Variants in TSPAN3 observed in about 807,000 individuals in gnomAD.
TSPAN3 encodes the protein tetraspanin-3.
Under a neutral mutation model 31.1 loss-of-function variants are expected in TSPAN3, and 9 were observed. The ratio of observed to expected loss-of-function variants is 0.29; its 90% CI spans 0.17 to 0.50. TSPAN3 has a LOEUF of 0.50. Among genes scored for constraint, TSPAN3 ranks in the 20% least tolerant of loss-of-function variants. The pLI, the probability that TSPAN3 is intolerant of heterozygous loss-of-function variation, is 0.98. For missense variants in TSPAN3, 252 were observed against 313.5 expected (o/e 0.80, Z 1.48); for synonymous variants, 129 against 114.3 (o/e 1.13, Z -0.82).
Position 77,054,258 on chromosome 15 carries a change from T to C in TSPAN3, c.352A>G (p.Ser118Gly). Residue 118 changes from serine (S) to glycine (G), a missense_variant, in exon 4 of 7, where the codon AGC becomes GGC. Transcript: ENST00000267970. ...RAKVENEVDR[S>G]IQKVYKTYNG... The stretch of plus-strand genomic sequence containing the variant: ...TAGGTCTTATACACTTTCTGAATGC[T>C]GCGATCAACCTCATTTTCCACCTGA... 3 of 1,613,496 alleles carry C rather than the reference T, an allele frequency of 1.9e-6. No individual in the cohort carries two copies. In the South Asian group the frequency reaches 3.3e-5, roughly 18 times the overall value.
chr15:77,055,064 G>C (rs1383493631), intron 3 of TSPAN3: 1 of 152,008 alleles, frequency 6.6e-6, no homozygotes, highest in African/African-American at 2.4e-5. Context: ...AGTACCTTAC[G>C]TATCAATGAT....
chr15:77,070,866 C>T, intron 1 of TSPAN3, 26 bp downstream of exon 1: 2 of 1,311,082 alleles, frequency 1.5e-6, no homozygotes. Context: ...CGCCGCCGGC[C>T]CCTCGCTCTG....
chr15:77,062,151 T>C (rs1399501718), intron 1 of TSPAN3, among the ~76,000 whole-genome samples: 2 of 152,238 alleles, frequency 1.3e-5, no homozygotes, highest in African/African-American at 2.4e-5. Context: ...ATTTTTCATA[T>C]ACCTCTTTTC....
chr15:77,056,036 T>C lies in TSPAN3; in HGVS notation c.255+28A>G, dbSNP rs763301747. 5.7e-6 allele frequency: 9 copies of C among 1,580,668 alleles called. No homozygotes were observed. The Admixed American group carries it at 7.2e-5, about 13-fold the overall frequency. On this transcript the variant is annotated intron_variant, in intron 2 of 6. Transcript: ENST00000267970. ...AAGGAGAGTAGCATAGACTAAATACTCCTGCATGTTCTCACAACACATCTT... is the reference window on the plus strand; with the variant it reads ...AAGGAGAGTAGCATAGACTAAATACCCCTGCATGTTCTCACAACACATCTT...
intron 6 of TSPAN3, 115 bp from the exon 7 acceptor site, chr15:77,047,042 A>C (rs1447478312): frequency 9.5e-6 from 7 of 733,502 alleles, no homozygotes; most frequent in Middle Eastern, 4.9e-4. Context: ...AAATCATCAA[A>C]AAGGCAGTAA....
chr15:77,057,043 A>G (rs965055370), intron 1 of TSPAN3, among the ~76,000 whole-genome samples: 1 of 152,232 alleles, frequency 6.6e-6, no homozygotes. Context: ...CCTAAAGGGA[A>G]AGTGAACACA....
rs111308983 is a variant in TSPAN3, at chr15:77,046,842, T to C, written c.755A>G (p.Tyr252Cys). ...AYELLITGGT[Y>C]A Reference sequence around the variant, plus strand: ...TCAGGCTTGAGTTGTCAACTATGCATAGGTTCCGCCAGTGATGAGGAGCTC... The same window carrying C: ...TCAGGCTTGAGTTGTCAACTATGCACAGGTTCCGCCAGTGATGAGGAGCTC... The change falls in exon 7 of 7, where the codon TAT becomes TGT. Residue 252 changes from tyrosine to cysteine, a missense_variant. Coordinates refer to ENST00000267970, the MANE Select transcript of TSPAN3 (RefSeq NM_005724.6). 3.1e-6 allele frequency: 5 copies of C among 1,589,424 alleles called. No homozygotes were observed. The African/African-American group carries it at 4.0e-5, about 13-fold the overall frequency.
intron 3 of TSPAN3, chr15:77,055,181 A>T (rs956120776): frequency 6.6e-6 from 1 of 152,262 alleles, no homozygotes; most frequent in Non-Finnish European, 1.5e-5. Context: ...ACCCATATTA[A>T]TTAATTTAAA....
At chr15:77,061,600 T>C (rs1442044390) in intron 1 of TSPAN3, among the ~76,000 whole-genome samples, 1 of 152,180 alleles carries the variant, frequency 6.6e-6, no homozygotes, top group East Asian at 1.9e-4. Flanking sequence ...CGGTGTAACC[T>C]GCCATTGGAA....
At chr15:77,046,968 C>T in intron 6 of TSPAN3, 41 bp from the exon 7 acceptor site, 1 of 1,471,776 alleles carries the variant, frequency 6.8e-7, no homozygotes, top group African/African-American at 1.4e-5. Flanking sequence ...AGGCTGAAAA[C>T]CCTCTCATGG....
At chr15:77,052,703 G>C (rs1055541015) in intron 5 of TSPAN3, 74 bp downstream of exon 5, 2 of 1,522,494 alleles carry the variant, frequency 1.3e-6, no homozygotes, top group Non-Finnish European at 1.8e-6. Context: ...CAGAAAAGAA[G>C]TCCCAGATGG....
chr15:77,062,895 C>A (rs1455406296), intron 1 of TSPAN3, among the ~76,000 whole-genome samples: 2 of 152,110 alleles, frequency 1.3e-5, no homozygotes, highest in Admixed American at 1.3e-4. Context: ...GGGGAAAAAA[C>A]ACATATATCA....
chr15:77,045,655 C>G lies in TSPAN3; in HGVS notation c.*1180G>C, dbSNP rs1185995197. 9 of 152,406 alleles carry G rather than the reference C, an allele frequency of 5.9e-5. No homozygotes were observed. Among genetic ancestry groups the G allele is most frequent in the Admixed American group, 2.6e-4 (4 of 15,292 alleles). 9.4% of individuals were successfully genotyped at this position (152,406 alleles called of 1,614,324 possible). ...CTATCCAGCCTCCAAGCTTGGGCAT[C>G]TCCTCCAGGAAGTCACCCCTGACCT... is the stretch of plus-strand genomic sequence containing the variant. On this transcript the variant is annotated 3_prime_UTR_variant, in exon 7 of 7. Transcript: ENST00000267970.
chr15:77,059,101 G>A (rs1374802875), intron 1 of TSPAN3, among the ~76,000 whole-genome samples: 1 of 151,948 alleles, frequency 6.6e-6, no homozygotes, highest in Non-Finnish European at 1.5e-5. Flanking sequence ...TTTATTTTTT[G>A]AGACGGAGTC....
chr15:77,052,884 C>G lies in TSPAN3; in HGVS notation c.478G>C (p.Asp160His). Residue 160 changes from aspartate to histidine, a missense_variant, in exon 5 of 7, where the codon GAT (aspartate) becomes CAT (histidine). Physicochemically the swap from Asp to His is moderately conservative, Grantham distance 81. Transcript: ENST00000267970. ...IHNYSDWENT[D>H]WFKETKNQSV... ...TGGTTTTTGGTTTCTTTGAACCAAT[C>G]TGTATTTTCCCAGTCTGAGTAGTTG... 1 of 1,614,022 alleles carries G rather than the reference C, an allele frequency of 6.2e-7. No individual in the cohort carries two copies. Among genetic ancestry groups the G allele is most frequent in the Non-Finnish European group, 8.5e-7 (1 of 1,179,940 alleles).
chr15:77,046,528 G>GT lies in TSPAN3; in HGVS notation c.*306dup. ...GCATCAGTCCTGTTACCACTTGGAG[G>GT]TAACAGAAGCAGGCTCGTGTCCTCC... On this transcript the variant is annotated 3_prime_UTR_variant, in exon 7 of 7. Transcript: ENST00000267970. The GT allele has an allele frequency of 8.8e-6, 4 of 454,238 alleles. No individual in the cohort carries two copies. The South Asian group carries it at 1.7e-4, about 19-fold the overall frequency. The allele number at this position is 454,238 out of a possible 1,614,324, so 28.1% of individuals were successfully genotyped here.
In TSPAN3 at chr15:77,046,501, C is replaced by A; in HGVS notation, c.*334G>T. 2.4e-6 allele frequency: 1 copy of A among 422,840 alleles called. No individual in the cohort carries two copies. The highest frequency in any genetic ancestry group is 4.2e-6 in the Non-Finnish European group (1 of 239,404). The allele number at this position is 422,840 out of a possible 1,614,324, so 26.2% of individuals were successfully genotyped here. A position where few individuals can be genotyped will look rare whatever the true frequency, so the allele number is the denominator to read the frequency against. On this transcript the variant is annotated 3_prime_UTR_variant, in exon 7 of 7. Coordinates refer to ENST00000267970, the MANE Select transcript of TSPAN3 (RefSeq NM_005724.6). ...AGACTGAAAGGACCTGGTGACATTTCGGCATCAGTCCTGTTACCACTTGGA... is the reference window on the plus strand; with the variant it reads ...AGACTGAAAGGACCTGGTGACATTTAGGCATCAGTCCTGTTACCACTTGGA...
intron 1 of TSPAN3, among the ~76,000 whole-genome samples, chr15:77,062,853 G>A (rs906724976): frequency 6.6e-6 from 1 of 152,148 alleles, no homozygotes. Flanking sequence ...TTTTCTTAAA[G>A]CATCATTTAA....
chr15:77,058,139 C>G (rs2076779563), intron 1 of TSPAN3, among the ~76,000 whole-genome samples: 1 of 152,162 alleles, frequency 6.6e-6, no homozygotes, highest in Admixed American at 6.5e-5. Context: ...TCTTATCCCC[C>G]TAAATCTTAC....
Sources: gnomAD v4.1 joint callset for allele counts (sites outside exome capture counted in the v4.1 genomes callset) on GRCh38, gnomAD v4.1.1 for gene constraint, MANE v1.5 for transcripts, NCBI Gene and HGNC (gene_info 2026-07-23, HGNC 2026-07-21) for gene names.